The following ADGRG5 variants were observed in gnomAD, a reference collection of about 807,000 sequenced individuals.
ADGRG5 encodes G protein-coupled receptor 114.
Under a neutral mutation model 53.2 loss-of-function variants are expected in ADGRG5, and 37 were observed. The ratio of observed to expected loss-of-function variants is 0.70; its 90% CI spans 0.53 to 0.91. The LOEUF (loss-of-function observed/expected upper bound fraction) is 0.91, where lower values mean the gene tolerates loss of function less well. Among genes scored for constraint, ADGRG5 ranks in the 40% least tolerant of loss-of-function variants. The probability of loss-of-function intolerance (pLI) is 0.00; values close to 1 mark genes in which losing one functional copy is unlikely to be tolerated. For synonymous variants in ADGRG5, 277 were observed against 290.4 expected (o/e 0.95, Z 0.47); for missense variants, 614 against 675.8 (o/e 0.91, Z 1.01).
At chr16:57,562,730 T>C in intron 3 of ADGRG5, 1 of 543,520 alleles carries the variant, frequency 1.8e-6, no homozygotes, top group Middle Eastern at 4.9e-4. Context: ...GGGTCTAAGA[T>C]TCTGGCTGGG....
At chr16:57,548,588 G>A (rs887175980) in intron 1 of ADGRG5, among the ~76,000 whole-genome samples, 4 of 151,982 alleles carry the variant, frequency 2.6e-5, no homozygotes, top group African/African-American at 9.7e-5. Flanking sequence ...CCTTGTGCGA[G>A]ACCTTTAAAG....
intron 1 of ADGRG5, among the ~76,000 whole-genome samples, chr16:57,543,682 G>A (rs1204927837): frequency 6.6e-6 from 1 of 152,142 alleles, no homozygotes; most frequent in Non-Finnish European, 1.5e-5. Flanking sequence ...GTGGGGCTGT[G>A]TGCGGAGAAT....
At chr16:57,532,046 T>C in the ADGRG5 span, among the ~76,000 whole-genome samples, 1 of 152,230 alleles carries the variant, frequency 6.6e-6, no homozygotes, top group Non-Finnish European at 1.5e-5. Context: ...GGCCCAGCTC[T>C]GACACCAACC....
At chr16:57,561,882 C>T (rs1376251574) in intron 1 of ADGRG5, among the ~76,000 whole-genome samples, 174 bp from the exon 2 acceptor site, 1 of 152,192 alleles carries the variant, frequency 6.6e-6, no homozygotes, top group Non-Finnish European at 1.5e-5. Flanking sequence ...TGGCTTTAGG[C>T]AGGTTTAAGT....
chr16:57,559,625 C>T (rs1224030514), intron 1 of ADGRG5, among the ~76,000 whole-genome samples: 3 of 152,150 alleles, frequency 2.0e-5, no homozygotes, highest in Admixed American at 6.5e-5. Flanking sequence ...CTACCTATTC[C>T]TCTGTGCTCT....
chr16:57,561,856 T>A (rs1036042526), intron 1 of ADGRG5, among the ~76,000 whole-genome samples, 200 bp from the exon 2 acceptor site: 2 of 151,752 alleles, frequency 1.3e-5, no homozygotes, highest in Admixed American at 6.5e-5. Flanking sequence ...TCAAGGATTC[T>A]GGAGTCTTAG....
intron 3 of ADGRG5, 83 bp downstream of exon 3, chr16:57,562,542 C>A: frequency 1.1e-6 from 1 of 895,754 alleles, no homozygotes; most frequent in Non-Finnish European, 1.7e-6. Context: ...CTTAACTGTG[C>A]ATTTCTTCAG....
At position 57,566,651 on chromosome 16, in the gene ADGRG5, C is replaced by T; in HGVS notation, c.599C>T (p.Pro200Leu). 2 of 1,589,634 alleles carry T rather than the reference C, an allele frequency of 1.3e-6. No individual in the cohort carries two copies. The highest frequency in any genetic ancestry group is 1.7e-6 in the Non-Finnish European group (2 of 1,168,992). ...TGGAAGGAGGGAGCCAGGAAACAGC[C>T]CTGGGGGGGCTGGAGCCCTGAGGGC... ...VFWKEGARKQ[P>L]WGGWSPEGCR... The change falls in exon 7 of 12, where the codon CCC becomes CTC. Residue 200 changes from proline (P) to leucine (L), a missense_variant. Coordinates refer to ENST00000349457, the MANE Select transcript of ADGRG5 (RefSeq NM_001304376.3).
chr16:57,561,004 C>G (rs2032987994), intron 1 of ADGRG5, among the ~76,000 whole-genome samples: 1 of 152,128 alleles, frequency 6.6e-6, no homozygotes, highest in African/African-American at 2.4e-5. Context: ...GTCTGGAACT[C>G]CTGGTCTCAA....
chr16:57,535,256 A>C, the ADGRG5 span, among the ~76,000 whole-genome samples: 1 of 152,184 alleles, frequency 6.6e-6, no homozygotes, highest in South Asian at 2.1e-4. Context: ...CTGGCGGGAA[A>C]GGAAGGGATG....
At chr16:57,569,321 T>C (rs62651193) in intron 9 of ADGRG5, among the ~76,000 whole-genome samples, 40,125 of 123,322 alleles carry the variant, frequency 0.33, 5,661 homozygotes, top group East Asian at 0.44. Flanking sequence ...TCCACCTCCA[T>C]CATCTCCATC....
intron 7 of ADGRG5, 108 bp downstream of exon 7, chr16:57,566,859 G>A: frequency 9.2e-7 from 1 of 1,090,370 alleles, no homozygotes; most frequent in Non-Finnish European, 1.2e-6. Context: ...ACTGAAATGG[G>A]CTTAAGCAAA....
At chr16:57,547,270 T>C (rs1460950374) in intron 1 of ADGRG5, among the ~76,000 whole-genome samples, 1 of 152,160 alleles carries the variant, frequency 6.6e-6, no homozygotes, top group Non-Finnish European at 1.5e-5. Flanking sequence ...ACCTCTCCCC[T>C]CAAAAAAGCA....
chr16:57,573,965 G>T (rs1036307528), intron 10 of ADGRG5, among the ~76,000 whole-genome samples: 1 of 151,998 alleles, frequency 6.6e-6, no homozygotes, highest in Non-Finnish European at 1.5e-5. Context: ...CAAGTGATTC[G>T]CCCACCTCGG....
chr16:57,536,713 G>C, the ADGRG5 span: 1 of 152,238 alleles, frequency 6.6e-6, no homozygotes, highest in East Asian at 1.9e-4. Context: ...GAGCTGCTGG[G>C]GTGGGGGCTC....
At position 57,570,506 on chromosome 16, in the gene ADGRG5, G is replaced by A; in HGVS notation, c.1179G>A (p.Glu393=). ...PCTIPVFDSW[E]NGTGFQNMSI... The stretch of plus-strand genomic sequence containing the variant: ...CAATCCCCGTCTTCGACAGCTGGGA[G>A]AATGGCACAGGCTTCCAGAACATGT... The change falls in exon 10 of 12, where the codon GAG becomes GAA. Residue 393 remains glutamate (E), a synonymous_variant. Transcript: ENST00000349457. The A allele has an allele frequency of 1.2e-6, 2 of 1,613,392 alleles. No individual in the cohort carries two copies. Among genetic ancestry groups the A allele is most frequent in the African/African-American group, 1.3e-5 (1 of 75,072 alleles).
At chr16:57,549,745 C>G (rs1411243204) in intron 1 of ADGRG5, among the ~76,000 whole-genome samples, 1 of 152,202 alleles carries the variant, frequency 6.6e-6, no homozygotes, top group African/African-American at 2.4e-5. Flanking sequence ...CTGGCAACTA[C>G]TGATTTGTTC....
the ADGRG5 span, among the ~76,000 whole-genome samples, chr16:57,533,834 T>TG: frequency 6.6e-6 from 1 of 152,166 alleles, no homozygotes; most frequent in African/African-American, 2.4e-5. Context: ...GTCGTGGAGA[T>TG]GCCCCAGCTG....
In ADGRG5 at chr16:57,568,038, A is replaced by G. The variant is rs768719487; in HGVS notation, c.1004A>G (p.Glu335Gly). The G allele has an allele frequency of 6.2e-7, 1 of 1,614,018 alleles. No homozygotes were observed. The highest frequency in any genetic ancestry group is 8.5e-7 in the Non-Finnish European group (1 of 1,179,944). The change falls in exon 9 of 12, where the codon GAG (glutamate) becomes GGG (glycine). Residue 335 changes from glutamate to glycine, a missense_variant. By Grantham distance (98) the Glu-to-Gly change is moderately conservative. Coordinates refer to ENST00000349457, the MANE Select transcript of ADGRG5 (RefSeq NM_001304376.3). ...AGCTGCCTCACCTGGATGGCCATCGAGGGCTTCAACCTCTACCTCCTCCTC... is the reference window on the plus strand; with the variant it reads ...AGCTGCCTCACCTGGATGGCCATCGGGGGCTTCAACCTCTACCTCCTCCTC... ...LLSCLTWMAIEGFNLYLLLGR... is the reference protein window; with the variant it reads ...LLSCLTWMAIGGFNLYLLLGR...
Sources: gnomAD v4.1 joint callset for allele counts (sites outside exome capture counted in the v4.1 genomes callset) on GRCh38, gnomAD v4.1.1 for gene constraint, MANE v1.5 for transcripts, NCBI Gene and HGNC (gene_info 2026-07-23, HGNC 2026-07-21) for gene names.